Variants in DOCK3 observed in about 807,000 individuals in gnomAD.
DOCK3 encodes dedicator of cytokinesis 3.
A neutral mutation model predicts 265.6 loss-of-function variants in DOCK3; 60 were observed. The observed-to-expected ratio is 0.23, with a 90% CI of 0.18 to 0.28. The LOEUF is 0.28. Ranked by LOEUF, DOCK3 falls within the 10% of genes least tolerant of loss-of-function variation. The pLI, the probability that DOCK3 is intolerant of heterozygous loss-of-function variation, is 1.00. For missense variants in DOCK3, 1,981 were observed against 2,594.3 expected, an observed-to-expected ratio of 0.76 and a Z score of 5.14; for synonymous variants, 881 against 938.0, an observed-to-expected ratio of 0.94 and a Z score of 1.11.
chr3:50,912,274 T>C (rs2049897511), intron 4 of DOCK3, among the ~76,000 whole-genome samples: 1 of 152,048 alleles, frequency 6.6e-6, no homozygotes, highest in Admixed American at 6.5e-5. Context: ...TTGTTCTTTT[T>C]CCTTACTTTC....
rs192285126 is a variant in DOCK3 at position 51,267,918 on chromosome 3, A to G, written c.2356-2897A>G. Among the ~76,000 whole-genome samples, 296 of 152,260 alleles carry G rather than the reference A, an allele frequency of 1.9e-3. 3 individuals are homozygous for G. Among genetic ancestry groups the G allele is most frequent in the African/African-American group, 6.5e-3 (270 of 41,554 alleles). On this transcript the variant is annotated intron_variant, in intron 23 of 52. Coordinates refer to ENST00000266037, the MANE Select transcript of DOCK3 (RefSeq NM_004947.5). ...AGAAAACCAAACACCACATGTTCTCATTCATAAGTGGGAGGTAAACAATGA... is the reference window on the plus strand; with the variant it reads ...AGAAAACCAAACACCACATGTTCTCGTTCATAAGTGGGAGGTAAACAATGA...
intron 9 of DOCK3, among the ~76,000 whole-genome samples, chr3:51,144,108 C>A (rs560086460): frequency 2.0e-5 from 3 of 152,160 alleles, no homozygotes; most frequent in African/African-American, 7.2e-5. Flanking sequence ...GTACTATACA[C>A]CCCCCCTTGA....
At chr3:51,094,235 A>G (rs1231317082) in intron 9 of DOCK3, among the ~76,000 whole-genome samples, 2 of 152,170 alleles carry the variant, frequency 1.3e-5, no homozygotes, top group Non-Finnish European at 2.9e-5. Context: ...AATAGTTTCA[A>G]AAGGAATGGT....
chr3:50,880,688 G>C (rs1304708741), intron 3 of DOCK3: 1 of 152,310 alleles, frequency 6.6e-6, no homozygotes, highest in African/African-American at 2.4e-5. Context: ...AGCTGAATTC[G>C]ACCAGAAGTA....
intron 12 of DOCK3, among the ~76,000 whole-genome samples, chr3:51,200,785 T>A (rs926499607): frequency 4.6e-5 from 7 of 151,978 alleles, no homozygotes; most frequent in Non-Finnish European, 7.4e-5. Flanking sequence ...AAAGGTCGGG[T>A]TACCCACAAA....
chr3:51,261,766 T>C (rs1274821841), intron 23 of DOCK3, among the ~76,000 whole-genome samples: 1 of 152,092 alleles, frequency 6.6e-6, no homozygotes, highest in Non-Finnish European at 1.5e-5. Flanking sequence ...AGTAGGCAGT[T>C]TTCCCCTCAC....
chr3:51,304,349 T>C (rs2082529467), intron 27 of DOCK3, among the ~76,000 whole-genome samples: 1 of 151,808 alleles, frequency 6.6e-6, no homozygotes, highest in Non-Finnish European at 1.5e-5. Context: ...TAGTGATGCC[T>C]GCTGCCCCTC....
At chr3:51,217,618 CTAA>C (rs2089857562) in intron 14 of DOCK3, among the ~76,000 whole-genome samples, 1 of 152,114 alleles carries the variant, frequency 6.6e-6, no homozygotes, top group Non-Finnish European at 1.5e-5. Context: ...AGTACAAAAG[CTAA>C]TAATAACTCT....
chr3:51,301,339 T>C (rs2082349722), intron 27 of DOCK3, among the ~76,000 whole-genome samples: 1 of 152,132 alleles, frequency 6.6e-6, no homozygotes, highest in Non-Finnish European at 1.5e-5. Flanking sequence ...TTATTAATTT[T>C]TTCAAAAAGC....
intron 1 of DOCK3, among the ~76,000 whole-genome samples, chr3:50,701,292 AT>A (rs1327830386): frequency 6.6e-6 from 1 of 151,870 alleles, no homozygotes; most frequent in Non-Finnish European, 1.5e-5. Context: ...TAATTTTTAA[AT>A]TTTTTGTAGA....
intron 5 of DOCK3, among the ~76,000 whole-genome samples, chr3:51,062,098 C>T (rs12486180): frequency 9.2e-5 from 14 of 152,142 alleles, no homozygotes; most frequent in Admixed American, 7.9e-4. Flanking sequence ...TAAATAGCCT[C>T]CTGACTGGAA....
chr3:50,892,263 C>T (rs1452916890), intron 4 of DOCK3, among the ~76,000 whole-genome samples: 3 of 151,966 alleles, frequency 2.0e-5, no homozygotes. Context: ...TAGAGCCCAA[C>T]CAGAAAATAG....
At chr3:51,162,008 C>T (rs1390572914) in intron 12 of DOCK3, among the ~76,000 whole-genome samples, 1 of 152,132 alleles carries the variant, frequency 6.6e-6, no homozygotes, top group Non-Finnish European at 1.5e-5. Context: ...GTCATATACT[C>T]TATCTTTGCT....
chr3:50,675,226 C>T lies in DOCK3; in HGVS notation c.-38C>T. The T allele has an allele frequency of 8.8e-7, 1 of 1,142,610 alleles. No homozygotes were observed. The highest frequency in any genetic ancestry group is 1.1e-6 in the Non-Finnish European group (1 of 925,528). 70.8% of individuals were successfully genotyped at this position (1,142,610 alleles called of 1,614,324 possible). On this transcript the variant is annotated 5_prime_UTR_variant, in exon 1 of 53. Coordinates refer to ENST00000266037, the MANE Select transcript of DOCK3 (RefSeq NM_004947.5). This position sits in a 1 kb window ranked among gnomAD's most constrained non-coding sequence, Gnocchi z 6.1. The stretch of plus-strand genomic sequence containing the variant: ...GCGGCCGTCCCCGCCGCGTTGTCGC[C>T]CGGTCGCCGCGCCCGCGGGGCCGCG...
chr3:51,317,318 AG>A lies in DOCK3; in HGVS notation c.3402+2191del, dbSNP rs1317479996. On this transcript the variant is annotated intron_variant, in intron 32 of 52. Transcript: ENST00000266037. ...TTGGACAAGGAGAAGCTTAAAAAAA[AG>A]AAAAAGAAAAAAGACCTTTGAAACT... Among the ~76,000 whole-genome samples, 4 of 151,504 alleles carry A rather than the reference AG, an allele frequency of 2.6e-5. No individual in the cohort carries two copies. The South Asian group carries it at 6.2e-4, about 23-fold the overall frequency.
At chr3:51,176,336 G>T (rs1442944799) in intron 12 of DOCK3, among the ~76,000 whole-genome samples, 1 of 152,142 alleles carries the variant, frequency 6.6e-6, no homozygotes, top group Non-Finnish European at 1.5e-5. Context: ...ATGGTTGCTG[G>T]CCAGGCGTGG....
intron 5 of DOCK3, among the ~76,000 whole-genome samples, chr3:50,993,718 G>A (rs1241751609): frequency 6.6e-6 from 1 of 151,856 alleles, no homozygotes; most frequent in African/African-American, 2.4e-5. Context: ...TACAACAGTA[G>A]TAGAATCTAC....
At chr3:51,016,532 A>C (rs1301647026) in intron 5 of DOCK3, among the ~76,000 whole-genome samples, 1 of 49,440 alleles carries the variant, frequency 2.0e-5, no homozygotes. Flanking sequence ...TCTATATAAT[A>C]TATGATATAT....
intron 3 of DOCK3, among the ~76,000 whole-genome samples, chr3:50,861,660 G>A (rs1165840131): frequency 2.6e-5 from 4 of 151,778 alleles, no homozygotes; most frequent in African/African-American, 7.3e-5. Context: ...GAATTGAACC[G>A]CTTTATCATT....
Sources: gnomAD v4.1 joint callset for allele counts (sites outside exome capture counted in the v4.1 genomes callset) on GRCh38, gnomAD v4.1.1 for gene constraint, Gnocchi (gnomAD v3.1) non-coding constraint, MANE v1.5 for transcripts, NCBI Gene and HGNC (gene_info 2026-07-23, HGNC 2026-07-21) for gene names.